Variants in CSMD1 observed in about 807,000 individuals in gnomAD.
CSMD1 encodes the protein CUB and sushi domain-containing protein 1.
Under a neutral mutation model 417.5 loss-of-function variants are expected in CSMD1, and 213 were observed. That is an observed-to-expected ratio of 0.51 (90% CI 0.46 to 0.57). CSMD1 has a LOEUF of 0.57. Among genes scored for constraint, CSMD1 ranks in the 20% least tolerant of loss-of-function variants. CSMD1 has a pLI of 0.00. For synonymous variants in CSMD1, 2,862 were observed against 1,736.8 expected (o/e 1.65, Z -16.11); for missense variants, 6,923 against 4,529.7 (o/e 1.53, Z -15.17).
chr8:4,483,330 G>A (rs1381972099), intron 2 of CSMD1, among the ~76,000 whole-genome samples: 1 of 152,128 alleles, frequency 6.6e-6, no homozygotes, highest in African/African-American at 2.4e-5. Context: ...GTGTTTATCG[G>A]CAGCATGAAA....
At chr8:3,253,412 G>T (rs1170537261) in intron 26 of CSMD1, among the ~76,000 whole-genome samples, 2 of 152,078 alleles carry the variant, frequency 1.3e-5, no homozygotes, top group African/African-American at 2.4e-5. Context: ...TATAATTTCT[G>T]TTCTTTTACA....
chr8:4,833,174 TA>T (rs969410679), intron 1 of CSMD1, among the ~76,000 whole-genome samples: 62 of 152,132 alleles, frequency 4.1e-4, no homozygotes, highest in African/African-American at 1.4e-3. Context: ...CACACTGCTA[TA>T]AAAAAAACTA....
chr8:3,262,625 C>A (rs1269610045), intron 26 of CSMD1, among the ~76,000 whole-genome samples: 2 of 151,800 alleles, frequency 1.3e-5, no homozygotes, highest in African/African-American at 4.8e-5. Context: ...TCAGTGGAAG[C>A]ACAGGTATTA....
chr8:4,386,618 A>C (rs1803472442), intron 3 of CSMD1, among the ~76,000 whole-genome samples: 1 of 152,214 alleles, frequency 6.6e-6, no homozygotes, highest in Non-Finnish European at 1.5e-5. Flanking sequence ...ATTTAATCAG[A>C]GAGACCCTGG....
chr8:4,987,728 G>T (rs983588397), intron 1 of CSMD1, among the ~76,000 whole-genome samples: 1 of 152,170 alleles, frequency 6.6e-6, no homozygotes, highest in African/African-American at 2.4e-5. Context: ...CGGACTGGGA[G>T]GGGCAGACCC....
chr8:3,418,271 C>A (rs971604535), intron 12 of CSMD1, among the ~76,000 whole-genome samples: 1 of 152,120 alleles, frequency 6.6e-6, no homozygotes, highest in Non-Finnish European at 1.5e-5. Flanking sequence ...TAAGTAACCA[C>A]AGAAATGAAC....
chr8:4,453,370 C>T (rs1318947306), intron 2 of CSMD1, among the ~76,000 whole-genome samples: 1 of 152,144 alleles, frequency 6.6e-6, no homozygotes, highest in Non-Finnish European at 1.5e-5. Context: ...GATTGGGGGT[C>T]TCCTGGGCAC....
rs1288871488 is a variant in CSMD1 at position 3,863,860 on chromosome 8, C to T, written c.819-109818G>A. ...AAAAAACAGAGTTTAATTTCTTCCA[C>T]TTCTTTCAGTTTCAAAGATTCGTAT... is the stretch of plus-strand genomic sequence containing the variant. On this transcript the variant is annotated intron_variant, in intron 5 of 69. Transcript: ENST00000635120. Among the ~76,000 whole-genome samples the T allele has an allele frequency of 2.0e-5, 3 of 152,164 alleles. No homozygotes were observed. The East Asian group carries it at 5.8e-4, about 29-fold the overall frequency.
chr8:2,963,118 A>G, intron 60 of CSMD1, 104 bp downstream of exon 60: 1 of 1,258,414 alleles, frequency 7.9e-7, no homozygotes, highest in East Asian at 2.3e-5. Context: ...GGCTATTATT[A>G]CCCACCAGGA....
At chr8:4,424,929 A>G (rs1217653) in intron 2 of CSMD1, among the ~76,000 whole-genome samples, 4,326 of 152,200 alleles carry the variant, frequency 0.028, 216 homozygotes, top group African/African-American at 0.096. Context: ...ATACATTGGA[A>G]AGGTTGAGAC....
rs10103951 is a variant in CSMD1, at chr8:3,984,065, G to A, written c.818+13838C>T. Among the ~76,000 whole-genome samples the A allele has an allele frequency of 4.4e-4, 33 of 74,834 alleles. No individual in the cohort carries two copies. In the East Asian group the frequency reaches 7.1e-3, roughly 16 times the overall value. The allele number at this position is 74,834 out of a possible 152,430, so 49.1% of individuals were successfully genotyped here. ...AGATCTGATGGGGCTGTCAATTGCA[G>A]CTCTAGAGCACACCACAGATCTAAC... On this transcript the variant is annotated intron_variant, in intron 5 of 69. Coordinates refer to ENST00000635120, the MANE Select transcript of CSMD1 (RefSeq NM_033225.6).
chr8:4,388,344 ACG>A (rs1358031683), intron 3 of CSMD1, among the ~76,000 whole-genome samples: 17 of 151,736 alleles, frequency 1.1e-4, no homozygotes, highest in African/African-American at 3.9e-4. Context: ...ACACACACAC[ACG>A]AACACATGAT....
intron 3 of CSMD1, among the ~76,000 whole-genome samples, chr8:4,310,300 T>G (rs934201489): frequency 6.6e-6 from 1 of 152,118 alleles, no homozygotes; most frequent in Non-Finnish European, 1.5e-5. Context: ...GAAATTCTTA[T>G]GGGTGGGTGT....
chr8:3,279,613 C>T (rs1441570318), intron 26 of CSMD1, among the ~76,000 whole-genome samples: 1 of 152,042 alleles, frequency 6.6e-6, no homozygotes, highest in Admixed American at 6.5e-5. Flanking sequence ...TGCTCTCATG[C>T]AGCTAATAAA....
At chr8:3,302,097 C>G (rs560589838) in intron 25 of CSMD1, among the ~76,000 whole-genome samples, 1 of 152,062 alleles carries the variant, frequency 6.6e-6, no homozygotes, top group East Asian at 1.9e-4. Context: ...AGACTAAAGT[C>G]TCCCGCCCCT....
intron 3 of CSMD1, among the ~76,000 whole-genome samples, chr8:4,150,852 GATTATA>G (rs1448736698): frequency 6.7e-6 from 1 of 149,092 alleles, no homozygotes; most frequent in East Asian, 2.0e-4. Flanking sequence ...TAACAATATG[GATTATA>G]AATATAAAAA....
At chr8:4,474,850 C>A (rs1800715060) in intron 2 of CSMD1, among the ~76,000 whole-genome samples, 1 of 152,198 alleles carries the variant, frequency 6.6e-6, no homozygotes, top group African/African-American at 2.4e-5. Context: ...AATATATTTT[C>A]TCTTCCTTAT....
At chr8:3,326,615 T>C (rs374834629) in intron 23 of CSMD1, among the ~76,000 whole-genome samples, 1 of 152,236 alleles carries the variant, frequency 6.6e-6, no homozygotes, top group Middle Eastern at 3.2e-3. Context: ...CCAGGAATTG[T>C]ATGTTTGCAT....
intron 1 of CSMD1, among the ~76,000 whole-genome samples, chr8:4,981,448 G>C (rs1463335150): frequency 6.6e-6 from 1 of 152,152 alleles, no homozygotes; most frequent in Non-Finnish European, 1.5e-5. Flanking sequence ...TGTCCTCTCT[G>C]TGCACAACCA....
Sources: gnomAD v4.1 joint callset for allele counts (sites outside exome capture counted in the v4.1 genomes callset) on GRCh38, gnomAD v4.1.1 for gene constraint, MANE v1.5 for transcripts, NCBI Gene and HGNC (gene_info 2026-07-23, HGNC 2026-07-21) for gene names.